Variants in SMCHD1 observed in about 807,000 individuals in gnomAD.
The protein encoded by SMCHD1 is structural maintenance of chromosomes flexible hinge domain-containing protein 1.
A neutral mutation model predicts 254.7 loss-of-function variants in SMCHD1; 78 were observed. That is an observed-to-expected ratio of 0.31 (90% CI 0.26 to 0.37). The LOEUF is 0.37. Ranked by LOEUF, SMCHD1 falls within the 10% of genes least tolerant of loss-of-function variation. The pLI, the probability that SMCHD1 is intolerant of heterozygous loss-of-function variation, is 1.00. For synonymous variants in SMCHD1, 766 were observed against 794.9 expected (o/e 0.96, Z 0.61); for missense variants, 1,840 against 2,408.1 (o/e 0.76, Z 4.94).
chr18:2,706,532 G>C, intron 15 of SMCHD1, 62 bp downstream of exon 15: 1 of 1,111,870 alleles, frequency 9.0e-7, no homozygotes, highest in Non-Finnish European at 1.3e-6. Context: ...TGTGCTGTAA[G>C]TATTCTGAGT....
At chr18:2,785,159 G>A (rs955671896) in intron 45 of SMCHD1, among the ~76,000 whole-genome samples, 16 of 151,942 alleles carry the variant, frequency 1.1e-4, no homozygotes, top group East Asian at 5.8e-4. Context: ...GTCCCTGCAC[G>A]TCTGTGCTCT....
At chr18:2,748,341 G>GC (rs2075497681) in intron 30 of SMCHD1, among the ~76,000 whole-genome samples, 16 of 100,416 alleles carry the variant, frequency 1.6e-4, no homozygotes, top group Admixed American at 6.2e-4. Context: ...TCTTTGCAAA[G>GC]TTGTGTGTGT....
rs1378491611 is a variant in SMCHD1 at position 2,679,828 on chromosome 18, T to TAG, written c.638+5684_638+5685insGA. 3.3e-5 allele frequency among the ~76,000 whole-genome samples: 5 copies of TAG among 152,324 alleles called. No individual in the cohort carries two copies. The East Asian group carries it at 9.6e-4, about 29-fold the overall frequency. ...AAGTATTCTTTCTCTCCTTTGCTTCTATGACTCCTCTTATCCATATACTTG... is the reference window on the plus strand; with the variant it reads ...AAGTATTCTTTCTCTCCTTTGCTTCTAGATGACTCCTCTTATCCATATACTTG... On this transcript the variant is annotated intron_variant, in intron 5 of 47. Transcript: ENST00000320876.
At chr18:2,705,514 A>T (rs2074493109) in intron 13 of SMCHD1, among the ~76,000 whole-genome samples, 180 bp from the exon 14 acceptor site, 1 of 152,172 alleles carries the variant, frequency 6.6e-6, no homozygotes, top group South Asian at 2.1e-4. Flanking sequence ...TTAAGTACAG[A>T]ACTTCAAAAA....
intron 1 of SMCHD1, among the ~76,000 whole-genome samples, chr18:2,662,667 C>CAAAAAAAAAAAAA (rs745838636): frequency 1.4e-4 from 5 of 35,678 alleles, no homozygotes; most frequent in Admixed American, 3.3e-4. Flanking sequence ...AACAAAAAAC[C>CAAAAAAAAAAAAA]AAAAAAAAAA....
intron 40 of SMCHD1, 137 bp from the exon 41 acceptor site, chr18:2,772,113 T>C (rs2075995255): frequency 4.8e-6 from 3 of 625,472 alleles, no homozygotes; most frequent in Admixed American, 9.1e-5. Context: ...TTCTGATAGT[T>C]TTTTTTTTAA....
At chr18:2,763,079 G>A (rs1395260764) in intron 36 of SMCHD1, among the ~76,000 whole-genome samples, 1 of 152,190 alleles carries the variant, frequency 6.6e-6, no homozygotes, top group Non-Finnish European at 1.5e-5. Flanking sequence ...TTTGGTTGGT[G>A]GGATGCTTGT....
chr18:2,668,596 A>G (rs1465647072), intron 3 of SMCHD1, among the ~76,000 whole-genome samples: 1 of 152,170 alleles, frequency 6.6e-6, no homozygotes, highest in Non-Finnish European at 1.5e-5. Flanking sequence ...CCATCTTAAA[A>G]ACACTAAAGT....
At chr18:2,719,006 C>A (rs1045995426) in intron 19 of SMCHD1, among the ~76,000 whole-genome samples, 1 of 151,738 alleles carries the variant, frequency 6.6e-6, no homozygotes, top group Non-Finnish European at 1.5e-5. Context: ...TCCCCCAAAA[C>A]GTTCTCTGTT....
chr18:2,759,489 A>ATTTTTTTTTTT (rs10673696), intron 34 of SMCHD1, among the ~76,000 whole-genome samples: 1 of 117,186 alleles, frequency 8.5e-6, no homozygotes, highest in Non-Finnish European at 1.6e-5. Flanking sequence ...TTTTCAAGCA[A>ATTTTTTTTTTT]TTTTTTTTTT....
intron 8 of SMCHD1, among the ~76,000 whole-genome samples, chr18:2,696,825 C>T (rs1477436734): frequency 6.6e-6 from 1 of 152,194 alleles, no homozygotes; most frequent in Admixed American, 6.5e-5. Flanking sequence ...ACATACACTT[C>T]TTGCACCCCA....
chr18:2,751,246 AAG>A (rs769531793), intron 32 of SMCHD1, 30 bp from the exon 33 acceptor site: 20 of 1,237,072 alleles, frequency 1.6e-5, no homozygotes, highest in Non-Finnish European at 2.2e-5. Context: ...TTGAACTAGA[AAG>A]AGATAATTTT....
Position 2,732,246 on chromosome 18 carries a change from T to C in SMCHD1, c.3049-19T>C. ...CAGTACAGATATCACTCAGTGTTTG[T>C]GTTTTCTTCTCTTTCTAGAGTTGTA... On this transcript the variant is annotated intron_variant, in intron 24 of 47. Transcript: ENST00000320876. 2 of 1,589,322 alleles carry C rather than the reference T, an allele frequency of 1.3e-6. No homozygotes were observed. The highest frequency in any genetic ancestry group is 1.7e-6 in the Non-Finnish European group (2 of 1,160,862).
At chr18:2,695,606 G>A (rs190507932) in intron 8 of SMCHD1, among the ~76,000 whole-genome samples, 7 of 152,076 alleles carry the variant, frequency 4.6e-5, no homozygotes, top group African/African-American at 1.2e-4. Flanking sequence ...CATCGCGCCC[G>A]GCCTAAAATT....
At chr18:2,763,592 T>G (rs765146956) in intron 36 of SMCHD1, 45 bp from the exon 37 acceptor site, 7 of 1,436,154 alleles carry the variant, frequency 4.9e-6, no homozygotes, top group South Asian at 4.2e-5. Flanking sequence ...CTGGGTTTAA[T>G]CTTCTCATCA....
chr18:2,763,270 A>G (rs1225112841), intron 36 of SMCHD1, among the ~76,000 whole-genome samples: 1 of 152,238 alleles, frequency 6.6e-6, no homozygotes. Flanking sequence ...TTTCAAATGT[A>G]TACAGGTGCT....
intron 25 of SMCHD1, among the ~76,000 whole-genome samples, chr18:2,734,878 G>C (rs1204696225): frequency 1.3e-5 from 2 of 151,850 alleles, no homozygotes; most frequent in African/African-American, 2.4e-5. Flanking sequence ...GACCAGCCTG[G>C]CCAAGATGGT....
chr18:2,725,601 T>C (rs1568242722), intron 21 of SMCHD1, among the ~76,000 whole-genome samples: 1 of 151,924 alleles, frequency 6.6e-6, no homozygotes, highest in African/African-American at 2.4e-5. Context: ...TGTAGCAAGT[T>C]TTTTTTCAGT....
intron 25 of SMCHD1, among the ~76,000 whole-genome samples, chr18:2,736,599 A>G (rs1261260779): frequency 3.4e-5 from 5 of 145,146 alleles, no homozygotes; most frequent in Non-Finnish European, 4.6e-5. Context: ...ATGAATAGAT[A>G]ACTTGTTAAG....
Sources: gnomAD v4.1 joint callset for allele counts (sites outside exome capture counted in the v4.1 genomes callset) on GRCh38, gnomAD v4.1.1 for gene constraint, MANE v1.5 for transcripts, NCBI Gene and HGNC (gene_info 2026-07-23, HGNC 2026-07-21) for gene names.